Variants in RFX7 observed in about 807,000 individuals in gnomAD.
The protein encoded by RFX7 is DNA-binding protein RFX7.
RFX7 carries 26 observed loss-of-function variants against 111.8 expected under a neutral mutation model. The ratio of observed to expected loss-of-function variants is 0.23; its 90% confidence interval spans 0.17 to 0.32. The LOEUF is 0.32. Among genes scored for constraint, RFX7 ranks in the 10% least tolerant of loss-of-function variants. The pLI, the probability that RFX7 is intolerant of heterozygous loss-of-function variation, is 1.00. For synonymous variants in RFX7, 624 were observed against 624.4 expected, an observed-to-expected ratio of 1.00 and a Z score of 0.01; for missense variants, 1,573 against 1,772.9, an observed-to-expected ratio of 0.89 and a Z score of 2.02.
rs1595915842 is a variant in RFX7 at position 56,090,718 on chromosome 15, G to A, written c.*2627C>T. The A allele has an allele frequency of 1.3e-5, 2 of 152,674 alleles. No individual in the cohort carries two copies. Among genetic ancestry groups the A allele is most frequent in the East Asian group, 3.9e-4 (2 of 5,192 alleles). The allele number at this position is 152,674 out of a possible 1,614,324, so 9.5% of individuals were successfully genotyped here. ...TTTGCACTAAATGAAACATGAAACA[G>A]GGCTTGTTTTTGTCATTTATCGTGT... On this transcript the variant is annotated 3_prime_UTR_variant, in exon 10 of 10. Coordinates refer to ENST00000559447, the MANE Select transcript of RFX7 (RefSeq NM_022841.7).
intron 2 of RFX7, among the ~76,000 whole-genome samples, chr15:56,184,016 T>A (rs1406369459): frequency 6.7e-6 from 1 of 149,674 alleles, no homozygotes; most frequent in Non-Finnish European, 1.5e-5. Context: ...TCTAACAGCA[T>A]GTAGTTGTTT....
chr15:56,157,828 C>T (rs1360006560), intron 3 of RFX7, among the ~76,000 whole-genome samples: 3 of 152,234 alleles, frequency 2.0e-5, no homozygotes, highest in East Asian at 3.8e-4. Flanking sequence ...ATCTGCCCGC[C>T]TCGGCCTCCC....
At chr15:56,226,207 A>G (rs1195295645) in intron 2 of RFX7, among the ~76,000 whole-genome samples, 1 of 152,190 alleles carries the variant, frequency 6.6e-6, no homozygotes, top group African/African-American at 2.4e-5. Flanking sequence ...TTTAGACTAG[A>G]TAAAAATGTA....
intron 5 of RFX7, 124 bp from the exon 6 acceptor site, chr15:56,103,794 C>T: frequency 1.6e-6 from 1 of 635,140 alleles, no homozygotes; most frequent in Non-Finnish European, 2.7e-6. Context: ...TCATTTGCCA[C>T]AATGTCTATG....
intron 5 of RFX7, among the ~76,000 whole-genome samples, chr15:56,124,299 G>A (rs1156639061): frequency 6.6e-6 from 1 of 152,024 alleles, no homozygotes; most frequent in Non-Finnish European, 1.5e-5. Flanking sequence ...ACGGGCACCT[G>A]TAGTCCCAGC....
intron 2 of RFX7, chr15:56,189,804 G>A (rs2043081908): frequency 6.6e-6 from 1 of 152,096 alleles, no homozygotes; most frequent in Admixed American, 6.5e-5. Flanking sequence ...AAACCACCTT[G>A]GACTAGTTTA....
At chr15:56,103,513 G>A in intron 6 of RFX7, 41 bp downstream of exon 6, 1 of 1,275,172 alleles carries the variant, frequency 7.8e-7, no homozygotes, top group South Asian at 1.3e-5. Flanking sequence ...TAACAAGTGA[G>A]AACACAGAGA....
intron 5 of RFX7, among the ~76,000 whole-genome samples, chr15:56,132,908 A>T (rs1387807050): frequency 6.6e-6 from 1 of 152,088 alleles, no homozygotes; most frequent in Non-Finnish European, 1.5e-5. Flanking sequence ...CTGCAGTGCT[A>T]TTTGCAACTA....
chr15:56,147,578 ATT>A (rs58457356), intron 3 of RFX7, among the ~76,000 whole-genome samples: 2 of 148,158 alleles, frequency 1.3e-5, no homozygotes, highest in East Asian at 2.0e-4. Context: ...AAAAAATCTA[ATT>A]TTTTTTTTTT....
Position 56,095,654 on chromosome 15 carries a change from T to G in RFX7, c.2074A>C (p.Ser692Arg), listed in dbSNP as rs1171806583. The G allele has an allele frequency of 1.2e-6, 2 of 1,614,040 alleles. No individual in the cohort carries two copies. The highest frequency in any genetic ancestry group is 1.6e-4 in the Middle Eastern group (1 of 6,062). The stretch of plus-strand genomic sequence containing the variant: ...GGAACCTTTTGGTCCTTCTTAACAC[T>G]GCCTTGTTTCTGCCCTTCTATGGTA... ...AATIEGQKQG[S>R]VKKDQKVPHS... Residue 692 changes from serine to arginine, a missense_variant, in exon 10 of 10, where the codon AGT becomes CGT. Physicochemically the swap from Ser to Arg is moderately radical, Grantham distance 110 (BLOSUM62 -1). This residue lies in a region of RFX7 where 625 missense variants were observed against 632.2 expected (regional missense o/e 0.99). Coordinates refer to ENST00000559447, the MANE Select transcript of RFX7 (RefSeq NM_022841.7).
At chr15:56,179,131 G>T (rs2042934864) in intron 3 of RFX7, 139 bp downstream of exon 3, 2 of 350,346 alleles carry the variant, frequency 5.7e-6, no homozygotes, top group Non-Finnish European at 1.1e-5. Flanking sequence ...TCACCCGAGG[G>T]GGCTGTAATT....
chr15:56,123,973 T>G (rs925901763), intron 5 of RFX7, among the ~76,000 whole-genome samples: 1 of 152,198 alleles, frequency 6.6e-6, no homozygotes, highest in Non-Finnish European at 1.5e-5. Flanking sequence ...CTTCAGTGTC[T>G]CTTTCAACTT....
chr15:56,110,419 G>T (rs1336243028), intron 5 of RFX7, among the ~76,000 whole-genome samples: 4 of 132,698 alleles, frequency 3.0e-5, no homozygotes, highest in African/African-American at 1.1e-4. Flanking sequence ...GGGGGAGGGG[G>T]GGTCAGCCCC....
chr15:56,152,296 A>C (rs145816051), intron 3 of RFX7, among the ~76,000 whole-genome samples: 40 of 152,164 alleles, frequency 2.6e-4, no homozygotes, highest in Non-Finnish European at 5.9e-4. Flanking sequence ...TGACCACATA[A>C]TTGGAAGTAA....
chr15:56,140,200 C>T (rs1312697971), intron 5 of RFX7, among the ~76,000 whole-genome samples: 11 of 151,976 alleles, frequency 7.2e-5, no homozygotes, highest in African/African-American at 1.4e-4. Flanking sequence ...CTATGGCGGG[C>T]GCCCCTCCCC....
At chr15:56,144,550 TACTA>T in intron 3 of RFX7, 67 bp from the exon 4 acceptor site, 1 of 723,102 alleles carries the variant, frequency 1.4e-6, no homozygotes, top group South Asian at 1.4e-5. Flanking sequence ...AAACAAAATT[TACTA>T]ACATCTCCCT....
At position 56,185,442 on chromosome 15, in the gene RFX7, AAAT is replaced by A. The variant is rs1221524010; in HGVS notation, c.162-6142_162-6140del. On this transcript the variant is annotated intron_variant, in intron 2 of 9. Coordinates refer to ENST00000559447, the MANE Select transcript of RFX7 (RefSeq NM_022841.7). Reference sequence around the variant, plus strand: ...ATCAAGTTTATTAATTATGCTGTTTAAATAATTCATTGCCATTTTATCTACCAG... The same window carrying A: ...ATCAAGTTTATTAATTATGCTGTTTAAATTCATTGCCATTTTATCTACCAG... Among the ~76,000 whole-genome samples the A allele has an allele frequency of 1.2e-4, 18 of 152,296 alleles. No homozygotes were observed. In the East Asian group the frequency reaches 3.5e-3, roughly 29 times the overall value.
chr15:56,109,450 C>T (rs1324220042), intron 5 of RFX7, among the ~76,000 whole-genome samples: 4 of 152,238 alleles, frequency 2.6e-5, no homozygotes, highest in Non-Finnish European at 5.9e-5. Flanking sequence ...GAGATTGCAG[C>T]CTCTGCCTGG....
rs536287679 is a variant in RFX7, at chr15:56,209,552, T to G, written c.162-30249A>C. Among the ~76,000 whole-genome samples the G allele has an allele frequency of 1.8e-4, 28 of 152,212 alleles. 1 individual carries two copies. The South Asian group carries it at 5.4e-3, about 29-fold the overall frequency. The stretch of plus-strand genomic sequence containing the variant: ...TTAAATGTTTCTTATTTTTAATTGA[T>G]CCAACAGATAATTTGTTCAAAACAA... On this transcript the variant is annotated intron_variant, in intron 2 of 9. Coordinates refer to ENST00000559447, the MANE Select transcript of RFX7 (RefSeq NM_022841.7).
Sources: allele counts gnomAD v4.1 joint callset (sites outside exome capture counted in the v4.1 genomes callset), GRCh38; gene constraint gnomAD v4.1.1; regional missense constraint gnomAD v4.1.1; transcripts MANE v1.5; gene names NCBI Gene and HGNC (gene_info 2026-07-23, HGNC 2026-07-21).